The following PGM2 variants were observed in gnomAD, a reference collection of about 807,000 sequenced individuals.
The protein encoded by PGM2 is phosphopentomutase.
A neutral mutation model predicts 74.6 loss-of-function variants in PGM2; 57 were observed. The observed-to-expected ratio is 0.76, with a 90% CI of 0.62 to 0.95. PGM2 has a LOEUF of 0.95. Among genes scored for constraint, PGM2 ranks in the 40% least tolerant of loss-of-function variants. The probability of loss-of-function intolerance (pLI) is 0.00; values close to 1 mark genes in which losing one functional copy is unlikely to be tolerated. For synonymous variants in PGM2, 273 were observed against 260.7 expected (o/e 1.05, Z -0.46); for missense variants, 706 against 741.9 (o/e 0.95, Z 0.56).
At chr4:37,849,404 CTTTTTTTTTTTTTT>C (rs34587864) in intron 11 of PGM2, among the ~76,000 whole-genome samples, 2 of 62,802 alleles carry the variant, frequency 3.2e-5, no homozygotes, top group South Asian at 6.0e-4. Context: ...TGTTGGACCT[CTTTTTTTTTTTTTT>C]TTTTTTTTTT....
Position 37,855,620 on chromosome 4 carries a change from A to G in PGM2, c.1615A>G (p.Ser539Gly), listed in dbSNP as rs779775449. ...QPDKKAVLPT[S>G]KSSQMITFTF... ...CATTAATTCCTAGGTTCTTCCCACT[A>G]GTAAAAGCAGCCAAATGATCACCTT... is the stretch of plus-strand genomic sequence containing the variant. The change falls in exon 13 of 14, where the codon AGT (serine) becomes GGT (glycine). Residue 539 changes from serine (S) to glycine (G), a missense_variant. This residue lies in a region of PGM2 where 359 missense variants were observed against 371.1 expected (regional missense o/e 0.97). Coordinates refer to ENST00000381967, the MANE Select transcript of PGM2 (RefSeq NM_018290.4). 1 of 1,613,864 alleles carries G rather than the reference A, an allele frequency of 6.2e-7. No homozygotes were observed. Among genetic ancestry groups the G allele is most frequent in the Non-Finnish European group, 8.5e-7 (1 of 1,179,876 alleles).
In PGM2 at chr4:37,862,587, C is replaced by G. The variant is rs1322348720; in HGVS notation, c.*975C>G. 1 of 152,066 alleles carries G rather than the reference C, an allele frequency of 6.6e-6. No homozygotes were observed. The highest frequency in any genetic ancestry group is 1.5e-5 in the Non-Finnish European group (1 of 68,022). The allele number at this position is 152,066 out of a possible 1,614,324, so 9.4% of individuals were successfully genotyped here. On this transcript the variant is annotated 3_prime_UTR_variant, in exon 14 of 14. Transcript: ENST00000381967. ...TCATAATTCGTGGTCTTACAGCCTT[C>G]CAAAATAACTCCAGTTGGGCACCCA...
At chr4:37,853,901 G>A (rs547965627) in intron 12 of PGM2, among the ~76,000 whole-genome samples, 119 of 152,264 alleles carry the variant, frequency 7.8e-4, no homozygotes, top group Non-Finnish European at 1.3e-3. Flanking sequence ...GTTCTGTGAC[G>A]GTGTGGGCTC....
chr4:37,860,892 T>G (rs1220356817), intron 13 of PGM2, among the ~76,000 whole-genome samples: 1 of 152,160 alleles, frequency 6.6e-6, no homozygotes, highest in Non-Finnish European at 1.5e-5. Flanking sequence ...CAGATTCTTG[T>G]TTATACTTCA....
chr4:37,840,923 GATTCATACAT>G (rs1423281479), intron 6 of PGM2, among the ~76,000 whole-genome samples: 3 of 149,934 alleles, frequency 2.0e-5, no homozygotes, highest in South Asian at 2.1e-4. Flanking sequence ...ACATGTATGT[GATTCATACAT>G]ATTCATACAT....
chr4:37,839,392 G>A (rs188264154), intron 4 of PGM2: 56 of 366,014 alleles, frequency 1.5e-4, no homozygotes, highest in Middle Eastern at 1.2e-3. Flanking sequence ...TGGGATTACA[G>A]GCGTGAGACA....
intron 2 of PGM2, among the ~76,000 whole-genome samples, chr4:37,833,889 T>C (rs1401235468): frequency 6.6e-6 from 1 of 150,400 alleles, no homozygotes; most frequent in African/African-American, 2.5e-5. Context: ...CAGCGTGGAG[T>C]ACAAATTCTC....
chr4:37,858,054 C>T (rs3795169), intron 13 of PGM2, among the ~76,000 whole-genome samples: 43,366 of 151,922 alleles, frequency 0.29, 9,200 homozygotes, highest in African/African-American at 0.59. Context: ...ATATCTTATA[C>T]TTCGGAAAGC....
intron 3 of PGM2, 139 bp from the exon 4 acceptor site, chr4:37,837,390 A>G: frequency 1.4e-6 from 1 of 691,966 alleles, no homozygotes; most frequent in African/African-American, 1.7e-5. Context: ...TGCCAGGGTA[A>G]AGATTATAAT....
rs1462854431 is a variant in PGM2, at chr4:37,844,425, A to T, written c.781A>T (p.Ser261Cys). The T allele has an allele frequency of 6.2e-7, 1 of 1,613,876 alleles. No homozygotes were observed. Among genetic ancestry groups the T allele is most frequent in the East Asian group, 2.2e-5 (1 of 44,870 alleles). The change falls in exon 7 of 14, where the codon AGC becomes TGC. Residue 261 changes from serine (S) to cysteine (C), a missense_variant. This residue lies in a region of PGM2 where 332 missense variants were observed against 334.9 expected (regional missense o/e 0.99). Coordinates refer to ENST00000381967, the MANE Select transcript of PGM2 (RefSeq NM_018290.4). ...CACCTCTGTCCATGGGGTGGGTCATAGCTTTGTGCAGTCAGCTTTCAAGGC... is the reference window on the plus strand; with the variant it reads ...CACCTCTGTCCATGGGGTGGGTCATTGCTTTGTGCAGTCAGCTTTCAAGGC... The part of the protein sequence containing the change: ...VHTSVHGVGH[S>C]FVQSAFKAFD...
chr4:37,835,005 A>G (rs905657788), intron 3 of PGM2, among the ~76,000 whole-genome samples: 30 of 152,130 alleles, frequency 2.0e-4, no homozygotes, highest in Admixed American at 2.0e-3. Flanking sequence ...TTTTATACAT[A>G]ATTTTTACCC....
At chr4:37,840,856 A>G (rs1359092339) in intron 6 of PGM2, among the ~76,000 whole-genome samples, 3 of 152,136 alleles carry the variant, frequency 2.0e-5, no homozygotes, top group Middle Eastern at 6.8e-3. Flanking sequence ...AGGAGTGCAG[A>G]CAGAAGTGGG....
At chr4:37,835,809 A>G (rs907687953) in intron 3 of PGM2, among the ~76,000 whole-genome samples, 1 of 152,200 alleles carries the variant, frequency 6.6e-6, no homozygotes, top group Non-Finnish European at 1.5e-5. Context: ...TCAGGAGGGC[A>G]TAAGATTTTT....
At chr4:37,839,585 A>T (rs1725652150) in intron 4 of PGM2, 1 of 593,728 alleles carries the variant, frequency 1.7e-6, no homozygotes, top group Non-Finnish European at 3.1e-6. Context: ...TTCTAGCTCT[A>T]CCAAGTAGAA....
intron 2 of PGM2, among the ~76,000 whole-genome samples, chr4:37,831,063 G>T (rs761378940): frequency 2.0e-5 from 3 of 151,954 alleles, no homozygotes; most frequent in Middle Eastern, 6.8e-3. Flanking sequence ...GCGTGGTGGT[G>T]TGCACCTGTA....
intron 9 of PGM2, 40 bp downstream of exon 9, chr4:37,847,151 G>T (rs1414612731): frequency 1.3e-5 from 21 of 1,595,510 alleles, no homozygotes; most frequent in Non-Finnish European, 1.8e-5. Context: ...CCTTTCATCT[G>T]CTCTGTAGAA....
At position 37,848,503 on chromosome 4, in the gene PGM2, A is replaced by G; in HGVS notation, c.1283-19A>G. On this transcript the variant is annotated intron_variant, in intron 10 of 13. Coordinates refer to ENST00000381967, the MANE Select transcript of PGM2 (RefSeq NM_018290.4). ...GACACAGTATTGTATAGATGTATGT[A>G]TGACGTGTGTTTCTGCAGGATACAT... The G allele has an allele frequency of 6.2e-7, 1 of 1,607,618 alleles. No homozygotes were observed. Among genetic ancestry groups the G allele is most frequent in the Non-Finnish European group, 8.5e-7 (1 of 1,175,398 alleles).
chr4:37,852,081 C>T (rs1192665508), intron 12 of PGM2, among the ~76,000 whole-genome samples: 1 of 149,064 alleles, frequency 6.7e-6, no homozygotes, highest in East Asian at 1.9e-4. Context: ...GTGATCCTCC[C>T]ACCTCACCCT....
At chr4:37,856,689 C>T (rs73808091) in intron 13 of PGM2, among the ~76,000 whole-genome samples, 60 of 152,072 alleles carry the variant, frequency 3.9e-4, no homozygotes, top group Admixed American at 8.5e-4. Context: ...TGCCGTTAAC[C>T]AGCATTTCCC....
Sources: allele counts gnomAD v4.1 joint callset (sites outside exome capture counted in the v4.1 genomes callset), GRCh38; gene constraint gnomAD v4.1.1; regional missense constraint gnomAD v4.1.1; transcripts MANE v1.5; gene names NCBI Gene and HGNC (gene_info 2026-07-23, HGNC 2026-07-21).